Variants in TRIM2 observed in about 807,000 individuals in gnomAD.
TRIM2 encodes tripartite motif-containing protein 2.
Under a neutral mutation model 75.2 loss-of-function variants are expected in TRIM2, and 20 were observed. That is an observed-to-expected ratio of 0.27 (90% confidence interval 0.19 to 0.39). The LOEUF (loss-of-function observed/expected upper bound fraction) is 0.39, where lower values mean the gene tolerates loss of function less well. Ranked by LOEUF, TRIM2 falls within the 10% of genes least tolerant of loss-of-function variation. The pLI is 1.00. For synonymous variants in TRIM2, 373 were observed against 388.3 expected (o/e 0.96, Z 0.46); for missense variants, 660 against 990.8 (o/e 0.67, Z 4.48).
intron 1 of TRIM2, among the ~76,000 whole-genome samples, chr4:153,173,284 T>C (rs72963157): frequency 1.3e-3 from 197 of 152,262 alleles, no homozygotes; most frequent in African/African-American, 4.6e-3. Context: ...CCCAACGCTT[T>C]GGGGTCTGGA....
intron 1 of TRIM2, among the ~76,000 whole-genome samples, chr4:153,158,378 T>C (rs1466551210): frequency 6.6e-6 from 1 of 152,252 alleles, no homozygotes; most frequent in Non-Finnish European, 1.5e-5. Context: ...AACAATTTCA[T>C]TGGAAATTTT....
At chr4:153,323,484 G>T (rs1769447401) in intron 9 of TRIM2, among the ~76,000 whole-genome samples, 1 of 151,956 alleles carries the variant, frequency 6.6e-6, no homozygotes, top group Admixed American at 6.6e-5. Context: ...GTTTTGTTTT[G>T]TTTTGTTTTG....
rs754383694 is a variant in TRIM2 at position 153,292,969 on chromosome 4, G to T, written c.454-13G>T. The T allele has an allele frequency of 6.3e-7, 1 of 1,595,126 alleles. No individual in the cohort carries two copies. ...TGGCCCAGAACCAGGAACTTTTCTT[G>T]TGTCATCCACAGGTGATGGAATTTT... On this transcript the variant is annotated splice_polypyrimidine_tract_variant and intron_variant, in intron 3 of 11. Coordinates refer to ENST00000338700, the MANE Select transcript of TRIM2 (RefSeq NM_015271.5).
At chr4:153,238,989 G>T (rs1745748419) in intron 1 of TRIM2, among the ~76,000 whole-genome samples, 1 of 152,188 alleles carries the variant, frequency 6.6e-6, no homozygotes, top group African/African-American at 2.4e-5. Context: ...GGTGATTAGG[G>T]TTAGATAAGA....
chr4:153,310,767 A>T (rs1422502278), intron 6 of TRIM2, among the ~76,000 whole-genome samples: 1 of 152,250 alleles, frequency 6.6e-6, no homozygotes, highest in East Asian at 1.9e-4. Context: ...AGATTTTTTA[A>T]AAACAAATAT....
chr4:153,200,488 T>C (rs1389878575), upstream of TRIM2, among the ~76,000 whole-genome samples: 2 of 152,204 alleles, frequency 1.3e-5, no homozygotes, highest in African/African-American at 4.8e-5. Context: ...AGTGCTGCTA[T>C]GAATATGGGA....
chr4:153,269,983 C>T (rs1467215379), intron 1 of TRIM2, among the ~76,000 whole-genome samples: 2 of 152,020 alleles, frequency 1.3e-5, no homozygotes, highest in African/African-American at 4.8e-5. Flanking sequence ...GGCTGGAGTG[C>T]AGTGGCGCGA....
chr4:153,188,351 T>A (rs1732829954), intron 1 of TRIM2, among the ~76,000 whole-genome samples: 1 of 152,098 alleles, frequency 6.6e-6, no homozygotes, highest in Non-Finnish European at 1.5e-5. Flanking sequence ...TCCCAGCTAC[T>A]CAGGAGGCTG....
At chr4:153,173,665 A>G (rs560507832) in intron 1 of TRIM2, among the ~76,000 whole-genome samples, 4 of 149,804 alleles carry the variant, frequency 2.7e-5, no homozygotes, top group South Asian at 2.1e-4. Context: ...CTCCGTCTCA[A>G]AATAATAATA....
chr4:153,255,859 C>T (rs1212203585), intron 1 of TRIM2, among the ~76,000 whole-genome samples: 5 of 152,172 alleles, frequency 3.3e-5, no homozygotes, highest in Non-Finnish European at 5.9e-5. Context: ...CACAAGACCA[C>T]ATATTATATG....
At chr4:153,211,631 A>G (rs1737050732) in intron 1 of TRIM2, among the ~76,000 whole-genome samples, 2 of 151,548 alleles carry the variant, frequency 1.3e-5, no homozygotes, top group Non-Finnish European at 2.9e-5. Flanking sequence ...GACTACAGGC[A>G]TGCACCACCA....
chr4:153,215,270 C>T (rs561254361), intron 1 of TRIM2, among the ~76,000 whole-genome samples: 1 of 152,226 alleles, frequency 6.6e-6, no homozygotes, highest in South Asian at 2.1e-4. Context: ...CATACCTCCT[C>T]CTCTCCTCCA....
intron 1 of TRIM2, among the ~76,000 whole-genome samples, chr4:153,175,185 TA>T (rs1363081675): frequency 1.6e-4 from 24 of 152,046 alleles, no homozygotes; most frequent in African/African-American, 5.8e-4. Flanking sequence ...CCCAGCTAAT[TA>T]TTTTTTTGTA....
intron 2 of TRIM2, among the ~76,000 whole-genome samples, chr4:153,273,270 C>CTTTTGTTTTTTTTT (rs1757197945): frequency 1.7e-5 from 1 of 57,388 alleles, no homozygotes; most frequent in Non-Finnish European, 3.2e-5. Context: ...TACAGTCACT[C>CTTTTGTTTTTTTTT]TTTTTTTTTT....
intron 1 of TRIM2, among the ~76,000 whole-genome samples, chr4:153,179,319 A>G (rs1731805302): frequency 6.7e-6 from 1 of 149,864 alleles, no homozygotes; most frequent in Non-Finnish European, 1.5e-5. Context: ...AATAAATTTT[A>G]AAGTATTTAA....
intron 1 of TRIM2, among the ~76,000 whole-genome samples, chr4:153,179,314 A>T (rs1378636468): frequency 6.7e-6 from 1 of 149,884 alleles, no homozygotes; most frequent in Non-Finnish European, 1.5e-5. Context: ...GTTAAAATAA[A>T]TTTTAAAGTA....
chr4:153,262,516 G>GT (rs1453877521), intron 1 of TRIM2, among the ~76,000 whole-genome samples: 1 of 152,234 alleles, frequency 6.6e-6, no homozygotes, highest in East Asian at 1.9e-4. Flanking sequence ...CAATAGTGAT[G>GT]TTTTTTATTT....
At chr4:153,294,960 C>T (rs1023748035) in intron 5 of TRIM2, among the ~76,000 whole-genome samples, 5 of 152,084 alleles carry the variant, frequency 3.3e-5, no homozygotes, top group Admixed American at 2.0e-4. Flanking sequence ...TGGTGATGGA[C>T]ATGGGGACAT....
Position 153,244,277 on chromosome 4 carries a change from C to T in TRIM2, c.31-26058C>T, listed in dbSNP as rs866681837. On this transcript the variant is annotated intron_variant, in intron 1 of 11. Coordinates refer to ENST00000338700, the MANE Select transcript of TRIM2 (RefSeq NM_015271.5). ...TTTCCTCCTCCTCCTCCTCCTCCTC[C>T]TCCTCCTCCTCCTCCTCCTCCTCCT... 8.2e-3 allele frequency among the ~76,000 whole-genome samples: 133 copies of T among 16,148 alleles called. 23 individuals carry two copies. Among genetic ancestry groups the T allele is most frequent in the African/African-American group, 0.013 (43 of 3,284 alleles). 10.6% of individuals were successfully genotyped at this position (16,148 alleles called of 152,430 possible). A position where few individuals can be genotyped will look rare whatever the true frequency, so the allele number is the denominator to read the frequency against.
Sources: gnomAD v4.1 joint callset for allele counts (sites outside exome capture counted in the v4.1 genomes callset) on GRCh38, gnomAD v4.1.1 for gene constraint, MANE v1.5 for transcripts, NCBI Gene and HGNC (gene_info 2026-07-23, HGNC 2026-07-21) for gene names.